Variants in LRP1B observed in about 807,000 individuals in gnomAD.
LRP1B encodes the protein LDL receptor related protein 1B, also known as low-density lipoprotein receptor-related protein 1B.
A neutral mutation model predicts 556.6 loss-of-function variants in LRP1B; 217 were observed. The ratio of observed to expected loss-of-function variants is 0.39; its 90% confidence interval spans 0.35 to 0.44. The LOEUF (loss-of-function observed/expected upper bound fraction) is 0.44, where lower values mean the gene tolerates loss of function less well. Ranked by LOEUF, LRP1B falls within the 20% of genes least tolerant of loss-of-function variation. LRP1B has a pLI of 1.00. For missense variants in LRP1B, 5,053 were observed against 5,620.8 expected (o/e 0.90, Z 3.23); for synonymous variants, 2,047 against 1,865.8 (o/e 1.10, Z -2.50).
At chr2:141,552,510 AT>A (rs1685790714) in intron 2 of LRP1B, among the ~76,000 whole-genome samples, 1 of 152,038 alleles carries the variant, frequency 6.6e-6, no homozygotes, top group South Asian at 2.1e-4. Flanking sequence ...AAGGTTATCT[AT>A]TTGGACTAAT....
intron 18 of LRP1B, among the ~76,000 whole-genome samples, chr2:140,962,257 T>C (rs937358609): frequency 6.6e-6 from 1 of 152,106 alleles, no homozygotes; most frequent in Non-Finnish European, 1.5e-5. Flanking sequence ...CATGTAGAAT[T>C]GTCATCTCCT....
chr2:141,390,986 A>C (rs1422835481), intron 3 of LRP1B, among the ~76,000 whole-genome samples: 1 of 152,120 alleles, frequency 6.6e-6, no homozygotes, highest in East Asian at 1.9e-4. Flanking sequence ...CTTCACACTT[A>C]CTTCTCTGTG....
intron 84 of LRP1B, among the ~76,000 whole-genome samples, chr2:140,283,351 T>G (rs951376172): frequency 2.0e-5 from 3 of 151,744 alleles, no homozygotes; most frequent in Non-Finnish European, 4.4e-5. Context: ...TTTAATAAAG[T>G]AGGCAAACAT....
chr2:141,155,479 T>C (rs1186024948), intron 7 of LRP1B, among the ~76,000 whole-genome samples: 1 of 150,700 alleles, frequency 6.6e-6, no homozygotes, highest in Non-Finnish European at 1.5e-5. Context: ...TTTTTCTTTT[T>C]ATTATTATTT....
chr2:141,502,585 G>GA (rs1683759251), intron 2 of LRP1B, among the ~76,000 whole-genome samples: 1 of 152,146 alleles, frequency 6.6e-6, no homozygotes, highest in Admixed American at 6.6e-5. Flanking sequence ...AGCTGGCTGG[G>GA]CGCAGTGGCT....
At chr2:140,486,360 T>C (rs1228681340) in intron 58 of LRP1B, among the ~76,000 whole-genome samples, 2 of 152,132 alleles carry the variant, frequency 1.3e-5, no homozygotes, top group East Asian at 3.9e-4. Context: ...ATAAATGATA[T>C]CAATCTCCTA....
At chr2:141,246,426 G>T (rs2105325356) in intron 5 of LRP1B, among the ~76,000 whole-genome samples, 1 of 152,338 alleles carries the variant, frequency 6.6e-6, no homozygotes, top group South Asian at 2.1e-4. Context: ...TAGAGATCCT[G>T]TGAGGAGTTT....
At chr2:140,774,982 C>T (rs1050381071) in intron 33 of LRP1B, among the ~76,000 whole-genome samples, 3 of 152,072 alleles carry the variant, frequency 2.0e-5, no homozygotes, top group Non-Finnish European at 2.9e-5. Flanking sequence ...ATATGTGAAT[C>T]TATGAACATT....
intron 35 of LRP1B, among the ~76,000 whole-genome samples, chr2:140,748,608 TATATATATATATATATA>T (rs1183115849): frequency 9.1e-6 from 1 of 109,880 alleles, no homozygotes; most frequent in Non-Finnish European, 1.7e-5. Context: ...TATATATATA[TATATATATATATATATA>T]TTCGTATATA....
In LRP1B at chr2:141,067,462, T is replaced by A. The variant is rs184060237; in HGVS notation, c.1014-5189A>T. On this transcript the variant is annotated intron_variant, in intron 7 of 90. Coordinates refer to ENST00000389484, the MANE Select transcript of LRP1B (RefSeq NM_018557.3). The stretch of plus-strand genomic sequence containing the variant: ...TTGTACTTGGTTTTCAGTTTATACA[T>A]AAACACACAGAAATTAAACTTGACA... Among the ~76,000 whole-genome samples, 483 of 152,080 alleles carry A rather than the reference T, an allele frequency of 3.2e-3. 3 individuals are homozygous for A. The highest frequency in any genetic ancestry group is 0.011 in the African/African-American group (467 of 41,542).
chr2:141,087,467 G>A (rs1700075135), intron 7 of LRP1B, among the ~76,000 whole-genome samples: 1 of 152,096 alleles, frequency 6.6e-6, no homozygotes, highest in Non-Finnish European at 1.5e-5. Context: ...TTACGCAGAT[G>A]GGGGCATATT....
chr2:140,661,339 G>T (rs1685084264), intron 41 of LRP1B, among the ~76,000 whole-genome samples: 1 of 151,870 alleles, frequency 6.6e-6, no homozygotes, highest in South Asian at 2.1e-4. Context: ...CCAGGATTTT[G>T]AGACTATGGG....
In LRP1B at chr2:142,128,150, A is replaced by G. The variant is rs146009539; in HGVS notation, c.82+2498T>C. Among the ~76,000 whole-genome samples the G allele has an allele frequency of 1.2e-3, 189 of 152,310 alleles. 1 individual carries two copies. Among genetic ancestry groups the G allele is most frequent in the African/African-American group, 4.3e-3 (180 of 41,590 alleles). Reference sequence around the variant, plus strand: ...GCACGTATATGGTTTGAACATAAACATACGAGTTAGTTTCAAGCCTTGTTC... The same window carrying G: ...GCACGTATATGGTTTGAACATAAACGTACGAGTTAGTTTCAAGCCTTGTTC... On this transcript the variant is annotated intron_variant, in intron 1 of 90. Coordinates refer to ENST00000389484, the MANE Select transcript of LRP1B (RefSeq NM_018557.3).
At chr2:141,790,499 C>T (rs1474701022) in intron 2 of LRP1B, among the ~76,000 whole-genome samples, 1 of 151,782 alleles carries the variant, frequency 6.6e-6, no homozygotes, top group Non-Finnish European at 1.5e-5. Context: ...TTCAGGTGCC[C>T]TCATTTCTAC....
chr2:141,553,921 CTATATTAATATAGT>C, intron 2 of LRP1B, among the ~76,000 whole-genome samples: 1 of 131,442 alleles, frequency 7.6e-6, no homozygotes, highest in Admixed American at 8.1e-5. Context: ...TATAATATAT[CTATATTAATATAGT>C]TATATATCTA....
chr2:142,086,636 C>CAAAAAAAA (rs1320332486), intron 1 of LRP1B, among the ~76,000 whole-genome samples: 5 of 48,176 alleles, frequency 1.0e-4, no homozygotes, highest in African/African-American at 2.6e-4. Flanking sequence ...AACAAACAAA[C>CAAAAAAAA]AAACAAAAAA....
At chr2:141,774,001 AAAC>A (rs528509216) in intron 2 of LRP1B, among the ~76,000 whole-genome samples, 37 of 152,354 alleles carry the variant, frequency 2.4e-4, no homozygotes, top group South Asian at 2.3e-3. Context: ...ACAGGAGTTA[AAAC>A]AACAACAACA....
intron 47 of LRP1B, among the ~76,000 whole-genome samples, chr2:140,532,954 A>G: frequency 1.8e-5 from 1 of 54,544 alleles, no homozygotes; most frequent in Non-Finnish European, 5.3e-5. Context: ...ATATACACAT[A>G]TATATCTCGA....
intron 7 of LRP1B, among the ~76,000 whole-genome samples, chr2:141,067,287 A>C (rs1345856000): frequency 6.6e-6 from 1 of 152,040 alleles, no homozygotes; most frequent in African/African-American, 2.4e-5. Flanking sequence ...AAAAGGTTTA[A>C]ATTCAAATTC....
Sources: gnomAD v4.1 joint callset for allele counts (sites outside exome capture counted in the v4.1 genomes callset) on GRCh38, gnomAD v4.1.1 for gene constraint, MANE v1.5 for transcripts, NCBI Gene and HGNC (gene_info 2026-07-23, HGNC 2026-07-21) for gene names.